RBMS3: variants seen among roughly 807,000 people sequenced by gnomAD.
The protein encoded by RBMS3 is RNA-binding motif, single-stranded-interacting protein 3.
Under a neutral mutation model 66.8 loss-of-function variants are expected in RBMS3, and 27 were observed. The ratio of observed to expected loss-of-function variants is 0.40; its 90% CI spans 0.30 to 0.56. The LOEUF (loss-of-function observed/expected upper bound fraction) is 0.56. Among genes scored for constraint, RBMS3 ranks in the 20% least tolerant of loss-of-function variants. RBMS3 has a pLI of 0.40. For synonymous variants in RBMS3, 188 were observed against 183.0 expected (o/e 1.03, Z -0.22); for missense variants, 513 against 549.5 (o/e 0.93, Z 0.66).
At chr3:29,423,677 A>T (rs1030993793) in intron 1 of RBMS3, among the ~76,000 whole-genome samples, 3 of 152,252 alleles carry the variant, frequency 2.0e-5, no homozygotes, top group Non-Finnish European at 4.4e-5. Flanking sequence ...TCTACCTGTC[A>T]GATACAGCAG....
chr3:29,644,242 T>TA (rs946592087), intron 4 of RBMS3, among the ~76,000 whole-genome samples: 8 of 151,900 alleles, frequency 5.3e-5, no homozygotes, highest in South Asian at 4.2e-4. Context: ...TCCAAAAAAA[T>TA]AAAAAAAAGG....
chr3:29,937,170 G>A (rs1036294470), intron 11 of RBMS3, among the ~76,000 whole-genome samples: 4 of 151,980 alleles, frequency 2.6e-5, no homozygotes, highest in African/African-American at 9.7e-5. Flanking sequence ...TGTAGTTTCT[G>A]TCAATTTTTG....
intron 4 of RBMS3, chr3:29,640,961 T>C (rs556811538): frequency 6.6e-6 from 1 of 152,094 alleles, no homozygotes; most frequent in African/African-American, 2.4e-5. Context: ...AATTACATGA[T>C]AATACATGTA....
intron 5 of RBMS3, among the ~76,000 whole-genome samples, chr3:29,746,984 G>T (rs1320549481): frequency 6.6e-6 from 1 of 152,170 alleles, no homozygotes; most frequent in Non-Finnish European, 1.5e-5. Flanking sequence ...TAGAAATGGT[G>T]GCCATTCAGT....
intron 13 of RBMS3, 43 bp from the exon 14 acceptor site, chr3:29,991,039 A>C (rs2197896): frequency 1.3e-6 from 2 of 1,598,352 alleles, no homozygotes; most frequent in Non-Finnish European, 1.7e-6. Flanking sequence ...AGGGCCCTTC[A>C]CTGAAGCAAG....
intron 3 of RBMS3, among the ~76,000 whole-genome samples, chr3:29,493,360 C>T (rs985835788): frequency 2.0e-5 from 3 of 152,168 alleles, no homozygotes; most frequent in African/African-American, 7.2e-5. Flanking sequence ...CGCTTAGTAG[C>T]TGTGTGACCT....
At chr3:29,412,623 G>A (rs575003832) in intron 1 of RBMS3, among the ~76,000 whole-genome samples, 16 of 152,282 alleles carry the variant, frequency 1.1e-4, no homozygotes, top group African/African-American at 3.1e-4. Context: ...GATTAATTAA[G>A]TGCCAACTGA....
intron 9 of RBMS3, 84 bp from the exon 10 acceptor site, chr3:29,899,621 A>G: frequency 1.7e-6 from 2 of 1,201,820 alleles, no homozygotes; most frequent in African/African-American, 1.6e-5. Flanking sequence ...CCACTTTCTT[A>G]TGACCTAGTG....
chr3:29,550,172 C>T (rs1481461399), intron 3 of RBMS3, among the ~76,000 whole-genome samples: 3 of 152,196 alleles, frequency 2.0e-5, no homozygotes, highest in African/African-American at 7.2e-5. Flanking sequence ...GTAGGCTTTG[C>T]AGCAGTAACA....
intron 1 of RBMS3, among the ~76,000 whole-genome samples, chr3:29,371,872 TTAAA>T (rs1351728080): frequency 1.3e-5 from 2 of 152,138 alleles, no homozygotes; most frequent in Non-Finnish European, 1.5e-5. Context: ...GAAGTTTTTT[TTAAA>T]TTATTTTTCC....
chr3:30,000,282 G>A (rs1375604032), intron 14 of RBMS3, among the ~76,000 whole-genome samples: 1 of 151,956 alleles, frequency 6.6e-6, no homozygotes, highest in Non-Finnish European at 1.5e-5. Context: ...CAACAAACAT[G>A]AAAAAAAGCT....
At chr3:29,801,010 C>T (rs2057371605) in intron 6 of RBMS3, among the ~76,000 whole-genome samples, 1 of 145,934 alleles carries the variant, frequency 6.9e-6, no homozygotes, top group African/African-American at 2.8e-5. Context: ...CGCATGCACA[C>T]ACACACACAC....
intron 3 of RBMS3, among the ~76,000 whole-genome samples, chr3:29,548,852 TA>T (rs1469549888): frequency 6.6e-6 from 1 of 151,972 alleles, no homozygotes; most frequent in Middle Eastern, 3.2e-3. Context: ...GAAAAAACAA[TA>T]TGCCAAGCTT....
chr3:29,469,626 C>T (rs2042652894), intron 2 of RBMS3, among the ~76,000 whole-genome samples: 1 of 151,146 alleles, frequency 6.6e-6, no homozygotes, highest in South Asian at 2.1e-4. Flanking sequence ...TAAGCTATGG[C>T]TCATTTAAAT....
intron 4 of RBMS3, among the ~76,000 whole-genome samples, chr3:29,638,819 T>C (rs1168014428): frequency 1.3e-5 from 2 of 151,906 alleles, no homozygotes; most frequent in Admixed American, 6.6e-5. Context: ...ACTGTTATTC[T>C]TTAGGCATTA....
At chr3:29,727,008 C>G (rs1218742015) in intron 4 of RBMS3, among the ~76,000 whole-genome samples, 1 of 152,044 alleles carries the variant, frequency 6.6e-6, no homozygotes, top group African/African-American at 2.4e-5. Flanking sequence ...GTACTGGTAC[C>G]AAAACAGATA....
intron 10 of RBMS3, among the ~76,000 whole-genome samples, chr3:29,916,072 T>C (rs976395305): frequency 2.0e-5 from 3 of 152,036 alleles, no homozygotes; most frequent in Non-Finnish European, 2.9e-5. Flanking sequence ...TGGTCAGGCA[T>C]ATGATGAGAA....
chr3:29,472,499 G>T (rs973356797), intron 2 of RBMS3, among the ~76,000 whole-genome samples: 2 of 152,138 alleles, frequency 1.3e-5, no homozygotes, highest in Non-Finnish European at 2.9e-5. Flanking sequence ...TGGTCTCACT[G>T]ACTTCGAATG....
intron 1 of RBMS3, among the ~76,000 whole-genome samples, chr3:29,289,421 A>G (rs551897009): frequency 6.6e-6 from 1 of 151,958 alleles, no homozygotes; most frequent in Non-Finnish European, 1.5e-5. Flanking sequence ...TTGCTGAAGC[A>G]TAGCTCTTCA....
Sources: gnomAD v4.1 joint callset for allele counts (sites outside exome capture counted in the v4.1 genomes callset) on GRCh38, gnomAD v4.1.1 for gene constraint, MANE v1.5 for transcripts, NCBI Gene and HGNC (gene_info 2026-07-23, HGNC 2026-07-21) for gene names.